Variants in SHCBP1 observed in about 807,000 individuals in gnomAD.
SHCBP1 encodes SHC SH2 domain-binding protein 1.
A neutral mutation model predicts 75.1 loss-of-function variants in SHCBP1; 60 were observed. That is an observed-to-expected ratio of 0.80 (90% CI 0.65 to 0.99). The LOEUF (loss-of-function observed/expected upper bound fraction) is 0.99. Among genes scored for constraint, SHCBP1 ranks in the 50% least tolerant of loss-of-function variants. SHCBP1 has a pLI of 0.00. For synonymous variants in SHCBP1, 290 were observed against 293.2 expected, an observed-to-expected ratio of 0.99 and a Z score of 0.11; for missense variants, 709 against 809.4, an observed-to-expected ratio of 0.88 and a Z score of 1.50.
intron 11 of SHCBP1, 106 bp downstream of exon 11, chr16:46,583,897 T>G (rs961464684): frequency 1.9e-6 from 2 of 1,058,480 alleles, no homozygotes; most frequent in African/African-American, 3.2e-5. Flanking sequence ...GTACACTGTT[T>G]ATGCTTTTCA....
At chr16:46,586,313 A>G (rs988621077) in intron 10 of SHCBP1, among the ~76,000 whole-genome samples, 1 of 152,272 alleles carries the variant, frequency 6.6e-6, no homozygotes, top group African/African-American at 2.4e-5. Context: ...GAAAAATACA[A>G]TAACTGAAAT....
intron 12 of SHCBP1, among the ~76,000 whole-genome samples, 167 bp downstream of exon 12, chr16:46,583,347 TCA>T (rs1271394364): frequency 1.3e-5 from 2 of 152,238 alleles, no homozygotes; most frequent in African/African-American, 4.8e-5. Flanking sequence ...AAAGTTTCTT[TCA>T]CAGTCTGTAA....
At position 46,621,326 on chromosome 16, in the gene SHCBP1, C is replaced by G. The variant is rs1965588929; in HGVS notation, c.34G>C (p.Glu12Gln). The G allele has an allele frequency of 6.2e-7, 1 of 1,611,354 alleles. No homozygotes were observed. Among genetic ancestry groups the G allele is most frequent in the Non-Finnish European group, 8.5e-7 (1 of 1,179,232 alleles). ...ADGSLTGGGL[E>Q]AAAMAPERMG... Reference sequence around the variant, plus strand: ...CGCTCCGGCGCCATGGCCGCTGCCTCCAGACCGCCGCCCGTCAGCGACCCG... The same window carrying G: ...CGCTCCGGCGCCATGGCCGCTGCCTGCAGACCGCCGCCCGTCAGCGACCCG... The change falls in exon 1 of 13, where the codon GAG becomes CAG. Residue 12 changes from glutamate to glutamine, a missense_variant. Transcript: ENST00000303383.
Position 46,581,886 on chromosome 16 carries a change from G to A in SHCBP1, c.1862C>T (p.Ala621Val). Residue 621 changes from alanine (A) to valine (V), a missense_variant, in exon 13 of 13, where the codon GCC becomes GTC. Ala to Val is a moderately conservative substitution (Grantham distance 64). Transcript: ENST00000303383. The stretch of plus-strand genomic sequence containing the variant: ...CTTTATCTGGCCTTTCTGTGTGGAG[G>A]CAGCAATTAGTTCATTTACAATTTC... ...NCEIVNELIA[A>V]STQKGQIKKK... is the part of the protein sequence containing the mutation. The A allele has an allele frequency of 6.2e-7, 1 of 1,614,014 alleles. No homozygotes were observed. The highest frequency in any genetic ancestry group is 1.1e-5 in the South Asian group (1 of 91,074).
chr16:46,610,641 C>T lies in SHCBP1; in HGVS notation c.597-2252G>A, dbSNP rs146978542. ...TAGCATGACCTCGGCTCACTGCAGCCTCCGCCTCCTGGGTTCAAGCGATTC... is the reference window on the plus strand; with the variant it reads ...TAGCATGACCTCGGCTCACTGCAGCTTCCGCCTCCTGGGTTCAAGCGATTC... On this transcript the variant is annotated intron_variant, in intron 4 of 12. Transcript: ENST00000303383. Among the ~76,000 whole-genome samples the T allele has an allele frequency of 7.0e-3, 1,004 of 144,062 alleles. 15 individuals carry two copies. Among genetic ancestry groups the T allele is most frequent in the African/African-American group, 0.024 (925 of 39,156 alleles). 94.5% of individuals were successfully genotyped at this position (144,062 alleles called of 152,430 possible).
intron 4 of SHCBP1, among the ~76,000 whole-genome samples, chr16:46,612,250 G>A (rs1020987267): frequency 2.0e-5 from 3 of 152,202 alleles, no homozygotes; most frequent in East Asian, 3.8e-4. Flanking sequence ...TCAGTGAAAC[G>A]TTGACTGAAT....
chr16:46,581,468 A>G lies in SHCBP1; in HGVS notation c.*261T>C. ...AAGTTACTACCAGGCTTAATATGAG[A>G]GAACCATGTGTATAAGAAAGCAAGA... On this transcript the variant is annotated 3_prime_UTR_variant, in exon 13 of 13. Transcript: ENST00000303383. 2.4e-6 allele frequency: 1 copy of G among 412,710 alleles called. No homozygotes were observed. Among genetic ancestry groups the G allele is most frequent in the Non-Finnish European group, 4.3e-6 (1 of 230,232 alleles). 25.6% of individuals were successfully genotyped at this position (412,710 alleles called of 1,614,324 possible).
intron 10 of SHCBP1, among the ~76,000 whole-genome samples, chr16:46,595,260 A>T (rs1357620509): frequency 6.6e-6 from 1 of 151,094 alleles, no homozygotes; most frequent in Admixed American, 6.6e-5. Context: ...GGCATAATGC[A>T]GGACCTCTCC....
chr16:46,602,664 T>C (rs1965259454), intron 8 of SHCBP1, among the ~76,000 whole-genome samples: 1 of 152,192 alleles, frequency 6.6e-6, no homozygotes, highest in African/African-American at 2.4e-5. Context: ...AGAGTCTTGC[T>C]CTGTCACCCA....
intron 4 of SHCBP1, among the ~76,000 whole-genome samples, chr16:46,608,603 C>CTTTT (rs34823071): frequency 7.9e-5 from 10 of 127,012 alleles, no homozygotes; most frequent in African/African-American, 1.8e-4. Context: ...TTTGTTAGGA[C>CTTTT]TTTTTTTTTT....
chr16:46,583,931 A>G, intron 11 of SHCBP1, 72 bp downstream of exon 11: 3 of 1,355,632 alleles, frequency 2.2e-6, no homozygotes, highest in Non-Finnish European at 3.1e-6. Context: ...GAACCCAACA[A>G]TTTAATAAAG....
chr16:46,603,848 C>T, intron 7 of SHCBP1, 127 bp downstream of exon 7: 4 of 1,328,084 alleles, frequency 3.0e-6, no homozygotes, highest in Non-Finnish European at 4.1e-6. Context: ...AGGCAGGGCT[C>T]TCACTACTTC....
chr16:46,611,044 T>C (rs530589864), intron 4 of SHCBP1, among the ~76,000 whole-genome samples: 1 of 152,288 alleles, frequency 6.6e-6, no homozygotes, highest in South Asian at 2.1e-4. Flanking sequence ...TGTACATTTT[T>C]CCCATGTCCG....
chr16:46,602,431 T>C (rs988802851), intron 8 of SHCBP1, among the ~76,000 whole-genome samples: 3 of 152,202 alleles, frequency 2.0e-5, no homozygotes, highest in African/African-American at 4.8e-5. Context: ...AAGCAGTTTC[T>C]GAACAGCTGC....
In SHCBP1 at chr16:46,621,356, C is replaced by A. The variant is rs1218092183; in HGVS notation, c.4G>T (p.Ala2Ser). M[A>S]DGSLTGGGLE... ...CCGCCGCCCGTCAGCGACCCGTCAGCCATTTCAAATTTCCGCGGACGGCAG... is the reference window on the plus strand; with the variant it reads ...CCGCCGCCCGTCAGCGACCCGTCAGACATTTCAAATTTCCGCGGACGGCAG... The change falls in exon 1 of 13, where the codon GCT (alanine) becomes TCT (serine). Residue 2 changes from alanine to serine, a missense_variant. Transcript: ENST00000303383. 2 of 1,610,862 alleles carry A rather than the reference C, an allele frequency of 1.2e-6. No individual in the cohort carries two copies. Among genetic ancestry groups the A allele is most frequent in the Admixed American group, 1.7e-5 (1 of 59,942 alleles).
chr16:46,586,873 G>A (rs1187515770), intron 10 of SHCBP1, among the ~76,000 whole-genome samples: 1 of 151,990 alleles, frequency 6.6e-6, no homozygotes, highest in African/African-American at 2.4e-5. Flanking sequence ...GAATGAGGAG[G>A]AAATCAAGAT....
At chr16:46,585,608 C>T (rs1964944583) in intron 10 of SHCBP1, among the ~76,000 whole-genome samples, 1 of 152,156 alleles carries the variant, frequency 6.6e-6, no homozygotes, top group African/African-American at 2.4e-5. Context: ...CAGGTAAACA[C>T]CACAGAGCCA....
intron 4 of SHCBP1, among the ~76,000 whole-genome samples, chr16:46,609,652 T>C (rs984347359): frequency 6.6e-6 from 1 of 151,786 alleles, no homozygotes; most frequent in Admixed American, 6.6e-5. Flanking sequence ...CATTTTGCCA[T>C]GTTGGCCAGG....
chr16:46,607,117 G>T (rs981366436), intron 5 of SHCBP1, among the ~76,000 whole-genome samples: 5 of 152,172 alleles, frequency 3.3e-5, no homozygotes, highest in Non-Finnish European at 7.3e-5. Flanking sequence ...CACTTTGGGA[G>T]GCGGAGGCAG....
Sources: gnomAD v4.1 joint callset for allele counts (sites outside exome capture counted in the v4.1 genomes callset) on GRCh38, gnomAD v4.1.1 for gene constraint, MANE v1.5 for transcripts, NCBI Gene and HGNC (gene_info 2026-07-23, HGNC 2026-07-21) for gene names.